The following DSE variants were observed in gnomAD, a reference collection of about 807,000 sequenced individuals.
The protein encoded by DSE is dermatan-sulfate epimerase.
In DSE, 36 loss-of-function variants were observed where a neutral mutation model predicts 84.4. The ratio of observed to expected loss-of-function variants is 0.43; its 90% CI spans 0.33 to 0.56. The LOEUF (loss-of-function observed/expected upper bound fraction) is 0.56. Ranked by LOEUF, DSE falls within the 20% of genes least tolerant of loss-of-function variation. The pLI is 0.06. For synonymous variants in DSE, 410 were observed against 430.1 expected, an observed-to-expected ratio of 0.95 and a Z score of 0.58; for missense variants, 862 against 1,169.6, an observed-to-expected ratio of 0.74 and a Z score of 3.84.
At chr6:116,349,243 C>T (rs1423622318) in intron 2 of DSE, among the ~76,000 whole-genome samples, 1 of 152,154 alleles carries the variant, frequency 6.6e-6, no homozygotes, top group Non-Finnish European at 1.5e-5. Context: ...ATACACACCT[C>T]TAAACCTGGA....
chr6:116,366,402 A>G (rs539483902), upstream of DSE: 6 of 152,386 alleles, frequency 3.9e-5, no homozygotes, highest in South Asian at 1.2e-3. Flanking sequence ...GAAATGAAGA[A>G]GAGTCTCTAC....
chr6:116,306,968 T>C (rs914465048), intron 2 of DSE, among the ~76,000 whole-genome samples: 2 of 152,196 alleles, frequency 1.3e-5, no homozygotes, highest in Non-Finnish European at 2.9e-5. Context: ...AACATTTCTG[T>C]TTTTTAATCT....
chr6:116,278,748 A>C, intron 2 of DSE: 1 of 1,614,158 alleles, frequency 6.2e-7, no homozygotes, highest in Non-Finnish European at 8.5e-7. Context: ...ACTGGGGTTC[A>C]TGCCCCCTGC....
At position 116,258,970 on chromosome 6, in the gene DSE, A is replaced by G. The variant is rs577027230; in HGVS notation, c.-54+3A>G. On this transcript the variant is annotated splice_donor_region_variant and intron_variant, in intron 2 of 3. Transcript: ENST00000430252. ...GGCATACCACCCTGCACTGTGAGGTAGGTACTTGGCATATTTCTCCTTCAC... is the reference window on the plus strand; with the variant it reads ...GGCATACCACCCTGCACTGTGAGGTGGGTACTTGGCATATTTCTCCTTCAC... 8.7e-6 allele frequency: 13 copies of G among 1,486,038 alleles called. No homozygotes were observed. The East Asian group carries it at 2.7e-4, about 31-fold the overall frequency. The allele number at this position is 1,486,038 out of a possible 1,614,324, so 92.1% of individuals were successfully genotyped here.
At chr6:116,422,416 C>T (rs145744830) in intron 2 of DSE, among the ~76,000 whole-genome samples, 40 of 152,338 alleles carry the variant, frequency 2.6e-4, no homozygotes, top group Non-Finnish European at 4.9e-4. Context: ...TATTTCTGTG[C>T]TAACACCCAA....
chr6:116,268,541 G>A (rs1772738110), intron 2 of DSE, among the ~76,000 whole-genome samples: 1 of 152,130 alleles, frequency 6.6e-6, no homozygotes, highest in Non-Finnish European at 1.5e-5. Flanking sequence ...TTTTGAGCTG[G>A]AAAATTATTT....
chr6:116,279,974 A>G (rs1773416806), intron 2 of DSE: 1 of 1,214,836 alleles, frequency 8.2e-7, no homozygotes, highest in African/African-American at 1.5e-5. Context: ...ATCTCACGGT[A>G]TCGCGAGAAC....
At chr6:116,426,347 C>T (rs1430087656) in intron 2 of DSE, among the ~76,000 whole-genome samples, 7 of 152,102 alleles carry the variant, frequency 4.6e-5, no homozygotes, top group African/African-American at 1.4e-4. Context: ...CTCAACATCT[C>T]GATGTTGCCA....
chr6:116,299,551 T>TACACACAC (rs754431712), intron 2 of DSE, among the ~76,000 whole-genome samples: 11 of 53,666 alleles, frequency 2.0e-4, no homozygotes, highest in Middle Eastern at 9.1e-3. Flanking sequence ...TATATATATA[T>TACACACAC]ACACATACAC....
intron 2 of DSE, among the ~76,000 whole-genome samples, chr6:116,324,444 G>A (rs186109094): frequency 1.3e-5 from 2 of 152,308 alleles, no homozygotes; most frequent in East Asian, 1.9e-4. Flanking sequence ...ATAGTCACAG[G>A]TGAAATCCCA....
chr6:116,320,798 G>A (rs1016330051), intron 2 of DSE, among the ~76,000 whole-genome samples: 1 of 152,090 alleles, frequency 6.6e-6, no homozygotes. Flanking sequence ...TTGGATTAGG[G>A]TCTACCCTAA....
chr6:116,310,377 T>C (rs1775618447), intron 2 of DSE, among the ~76,000 whole-genome samples: 2 of 152,140 alleles, frequency 1.3e-5, no homozygotes, highest in Admixed American at 6.5e-5. Flanking sequence ...TAATTCTTTT[T>C]TTTTTCAGTT....
chr6:116,294,105 C>A (rs2114682377), intron 2 of DSE, among the ~76,000 whole-genome samples: 1 of 152,196 alleles, frequency 6.6e-6, no homozygotes, highest in South Asian at 2.1e-4. Context: ...TTCTCTGCAG[C>A]CTCGACCTCC....
chr6:116,258,068 G>C (rs1582899930), intron 1 of DSE, among the ~76,000 whole-genome samples: 1 of 152,054 alleles, frequency 6.6e-6, no homozygotes, highest in East Asian at 1.9e-4. Context: ...AGCCAGGCTG[G>C]AGTGCAGTGG....
intron 1 of DSE, among the ~76,000 whole-genome samples, chr6:116,387,490 G>T (rs1780644194): frequency 6.6e-6 from 1 of 152,192 alleles, no homozygotes; most frequent in South Asian, 2.1e-4. Flanking sequence ...GGAGGTGGGA[G>T]TGAGCAAATG....
intron 2 of DSE, among the ~76,000 whole-genome samples, chr6:116,305,988 T>G (rs1038009902): frequency 2.0e-5 from 3 of 152,104 alleles, no homozygotes; most frequent in African/African-American, 7.2e-5. Context: ...TATTAAGAGA[T>G]AAAGGGATTA....
At chr6:116,318,159 T>C (rs1776097128) in intron 2 of DSE, among the ~76,000 whole-genome samples, 1 of 152,184 alleles carries the variant, frequency 6.6e-6, no homozygotes, top group African/African-American at 2.4e-5. Flanking sequence ...TCTTGTAGCA[T>C]TATAATTATT....
chr6:116,313,340 T>C (rs1775794874), intron 2 of DSE, among the ~76,000 whole-genome samples: 1 of 152,230 alleles, frequency 6.6e-6, no homozygotes, highest in Non-Finnish European at 1.5e-5. Context: ...TTTATGATAT[T>C]TTATTATGGC....
At chr6:116,368,511 C>T (rs190701174), upstream of DSE, among the ~76,000 whole-genome samples, 2 of 152,306 alleles carry the variant, frequency 1.3e-5, no homozygotes, top group Admixed American at 1.3e-4. Flanking sequence ...AGGTAAAGTG[C>T]TGAACACTGC....
Sources: gnomAD v4.1 joint callset for allele counts (sites outside exome capture counted in the v4.1 genomes callset) on GRCh38, gnomAD v4.1.1 for gene constraint, MANE v1.5 for transcripts, NCBI Gene and HGNC (gene_info 2026-07-23, HGNC 2026-07-21) for gene names.